Variants in MGRN1 observed in about 807,000 individuals in gnomAD.
The protein encoded by MGRN1 is E3 ubiquitin-protein ligase MGRN1.
Under a neutral mutation model 69.2 loss-of-function variants are expected in MGRN1, and 29 were observed. The ratio of observed to expected loss-of-function variants is 0.42; its 90% confidence interval spans 0.31 to 0.57. The LOEUF is 0.57. Among genes scored for constraint, MGRN1 ranks in the 20% least tolerant of loss-of-function variants. MGRN1 has a pLI of 0.15. For synonymous variants in MGRN1, 470 were observed against 344.2 expected (o/e 1.37, Z -4.04); for missense variants, 998 against 796.2 (o/e 1.25, Z -3.05).
chr16:4,633,746 C>T (rs1898131845), intron 1 of MGRN1: 1 of 151,884 alleles, frequency 6.6e-6, no homozygotes, highest in Admixed American at 6.6e-5. Flanking sequence ...GAGACGGAGT[C>T]TCACTCTTTC....
intron 1 of MGRN1, among the ~76,000 whole-genome samples, chr16:4,628,413 A>G (rs2141816723): frequency 6.7e-6 from 1 of 150,272 alleles, no homozygotes; most frequent in South Asian, 2.1e-4. Context: ...AGGAGGGGAC[A>G]TTGAAGCAAC....
intron 7 of MGRN1, among the ~76,000 whole-genome samples, chr16:4,665,657 C>T (rs1053109561): frequency 7.4e-5 from 11 of 149,298 alleles, no homozygotes; most frequent in Admixed American, 1.3e-4. Context: ...GCGTGAGCCA[C>T]GTGCCCGGCC....
At chr16:4,663,381 T>TG (rs1366810525) in intron 5 of MGRN1, among the ~76,000 whole-genome samples, 2 of 137,248 alleles carry the variant, frequency 1.5e-5, no homozygotes, top group East Asian at 2.4e-4. Flanking sequence ...TTTTTTTTTT[T>TG]TTTTTTTTTT....
At chr16:4,663,362 C>CTTTT (rs1280170412) in intron 5 of MGRN1, among the ~76,000 whole-genome samples, 11 of 52,862 alleles carry the variant, frequency 2.1e-4, no homozygotes, top group African/African-American at 6.4e-4. Context: ...GGCACCTGGC[C>CTTTT]TTGTTTTTTT....
At position 4,673,648 on chromosome 16, in the gene MGRN1, T is replaced by G; in HGVS notation, c.946T>G (p.Cys316Gly). The G allele has an allele frequency of 6.2e-7, 1 of 1,613,034 alleles. No individual in the cohort carries two copies. The highest frequency in any genetic ancestry group is 8.5e-7 in the Non-Finnish European group (1 of 1,179,740). Residue 316 changes from cysteine (C) to glycine (G), a missense_variant, in exon 10 of 17, where the codon TGC becomes GGC. Physicochemically the swap from Cys to Gly is radical, Grantham distance 159 (BLOSUM62 -3). Transcript: ENST00000262370. The part of the protein sequence containing the change: ...LRYQANNCPI[C>G]RLPFRALLQI... ...CTACCAGGCCAACAACTGCCCCATC[T>G]GCCGGCTGCGTGAGTTCCCCGGCCG...
intron 1 of MGRN1, among the ~76,000 whole-genome samples, chr16:4,636,774 A>C (rs970788602): frequency 6.6e-6 from 1 of 152,004 alleles, no homozygotes; most frequent in Non-Finnish European, 1.5e-5. Flanking sequence ...CGAATTGGCC[A>C]TCTGTTTCTT....
intron 5 of MGRN1, among the ~76,000 whole-genome samples, chr16:4,657,828 C>G (rs1382398887): frequency 1.4e-5 from 2 of 147,614 alleles, no homozygotes; most frequent in Non-Finnish European, 3.0e-5. Context: ...TCACTACAAC[C>G]TCTGCCTCCT....
rs527474788 is a variant in MGRN1, at chr16:4,685,973, C to G, written c.1618+2041C>G. On this transcript the variant is annotated intron_variant, in intron 16 of 16. Coordinates refer to ENST00000262370, the MANE Select transcript of MGRN1 (RefSeq NM_015246.4). ...CACCCAGGGCCTTCACTCCTGAAAC[C>G]AGAGGTGGACTGCGCCCGTTAGGTC... Among the ~76,000 whole-genome samples the G allele has an allele frequency of 1.8e-3, 279 of 152,314 alleles. 1 individual carries two copies. The highest frequency in any genetic ancestry group is 6.3e-3 in the African/African-American group (263 of 41,570).
chr16:4,649,443 A>T (rs2078352777), intron 1 of MGRN1: 1 of 151,520 alleles, frequency 6.6e-6, no homozygotes, highest in Non-Finnish European at 1.5e-5. Flanking sequence ...ACTCTTCCTT[A>T]CCTCTCCCCA....
intron 5 of MGRN1, among the ~76,000 whole-genome samples, chr16:4,662,975 G>A (rs1332210031): frequency 1.3e-5 from 2 of 152,188 alleles, no homozygotes; most frequent in East Asian, 1.9e-4. Context: ...GCCTGTGGTC[G>A]GTCTTGGGAG....
chr16:4,674,636 T>TC (rs1481838486), intron 10 of MGRN1, among the ~76,000 whole-genome samples: 3 of 114,264 alleles, frequency 2.6e-5, no homozygotes, highest in African/African-American at 9.9e-5. Flanking sequence ...CTTTTTTTTT[T>TC]TTTTTTTTTT....
chr16:4,683,895 C>T lies in MGRN1; in HGVS notation c.1581C>T (p.His527=), dbSNP rs2079247061. The change falls in exon 16 of 17, where the codon CAC becomes CAT. Residue 527 remains histidine (H), a synonymous_variant. Coordinates refer to ENST00000262370, the MANE Select transcript of MGRN1 (RefSeq NM_015246.4). ...TCCTGCAGGACAGCAGCCCCGAGCA[C>T]TGTGGCCGAGGCCCACCTGCTGACA... The part of the protein sequence containing the change: ...ENVLQDSSPE[H]CGRGPPADIY... 1 of 1,523,712 alleles carries T rather than the reference C, an allele frequency of 6.6e-7. No individual in the cohort carries two copies. Among genetic ancestry groups the T allele is most frequent in the Non-Finnish European group, 8.9e-7 (1 of 1,124,068 alleles). 94.4% of individuals were successfully genotyped at this position (1,523,712 alleles called of 1,614,324 possible).
chr16:4,634,204 A>G (rs1596257924), intron 1 of MGRN1: 1 of 152,188 alleles, frequency 6.6e-6, no homozygotes, highest in Admixed American at 6.5e-5. Flanking sequence ...CCTGGGGGTC[A>G]CCTCTGATTC....
intron 1 of MGRN1, among the ~76,000 whole-genome samples, chr16:4,642,783 C>G (rs1408910396): frequency 6.7e-6 from 1 of 150,254 alleles, no homozygotes; most frequent in African/African-American, 2.5e-5. Flanking sequence ...ATTTTTAACG[C>G]TTGAATTTTT....
At chr16:4,677,417 C>T in intron 10 of MGRN1, 46 bp from the exon 11 acceptor site, 1 of 1,454,602 alleles carries the variant, frequency 6.9e-7, no homozygotes, top group South Asian at 1.3e-5. Context: ...CCCCTCGGGG[C>T]TGGGTGTGTC....
At chr16:4,650,573 G>A (rs2078383214) in intron 2 of MGRN1, 90 bp downstream of exon 2, 2 of 1,041,560 alleles carry the variant, frequency 1.9e-6, no homozygotes, top group Non-Finnish European at 2.8e-6. Flanking sequence ...GGGCAAGCAG[G>A]CACCAAATCA....
intron 1 of MGRN1, among the ~76,000 whole-genome samples, chr16:4,638,894 C>G (rs764009813): frequency 6.6e-6 from 1 of 152,156 alleles, no homozygotes; most frequent in African/African-American, 2.4e-5. Flanking sequence ...CCTGGTGTCC[C>G]GGGTCCCTGG....
intron 13 of MGRN1, 116 bp from the exon 14 acceptor site, chr16:4,682,707 G>C: frequency 8.2e-7 from 1 of 1,223,112 alleles, no homozygotes; most frequent in Non-Finnish European, 1.1e-6. Flanking sequence ...GAGTGTCCTT[G>C]CGTGGGTCCT....
In MGRN1 at chr16:4,664,766, G is replaced by A; in HGVS notation, c.619G>A (p.Glu207Lys). 5 of 1,614,232 alleles carry A rather than the reference G, an allele frequency of 3.1e-6. No homozygotes were observed. Among genetic ancestry groups the A allele is most frequent in the African/African-American group, 1.3e-5 (1 of 75,058 alleles). ...AGTAGTCATCCAGGCTGTGGTGGAC[G>A]AAGGAGATGGTGAGTGCGTCCTCTT... ...FPVVIQAVVD[E>K]GDVVEVTGHA... The change falls in exon 6 of 17, where the codon GAA becomes AAA. Residue 207 changes from glutamate to lysine, a missense_variant. Glu to Lys is a moderately conservative substitution (Grantham distance 56). Transcript: ENST00000262370.
Sources: gnomAD v4.1 joint callset for allele counts (sites outside exome capture counted in the v4.1 genomes callset) on GRCh38, gnomAD v4.1.1 for gene constraint, MANE v1.5 for transcripts, NCBI Gene and HGNC (gene_info 2026-07-23, HGNC 2026-07-21) for gene names.